ARHGAP26: variants seen among roughly 807,000 people sequenced by gnomAD.
ARHGAP26 encodes the protein rho GTPase-activating protein 26.
Under a neutral mutation model 104.8 loss-of-function variants are expected in ARHGAP26, and 38 were observed. The ratio of observed to expected loss-of-function variants is 0.36; its 90% confidence interval spans 0.28 to 0.48. The LOEUF (loss-of-function observed/expected upper bound fraction) is 0.48, where lower values mean the gene tolerates loss of function less well. Among genes scored for constraint, ARHGAP26 ranks in the 20% least tolerant of loss-of-function variants. The probability of loss-of-function intolerance (pLI) is 0.99; values close to 1 mark genes in which losing one functional copy is unlikely to be tolerated. For synonymous variants in ARHGAP26, 341 were observed against 340.0 expected (o/e 1.00, Z -0.03); for missense variants, 704 against 947.9 (o/e 0.74, Z 3.38).
In ARHGAP26 at chr5:142,770,673, G is replaced by T; in HGVS notation, c.-89G>T. ...GGAGCCGGCGGCCGTCGGGGGAGCC[G>T]GCCGGGGTCCCGCCGCGTGAGTGCT... is the stretch of plus-strand genomic sequence containing the variant. On this transcript the variant is annotated 5_prime_UTR_variant, in exon 1 of 23. Coordinates refer to ENST00000645722, the MANE Select transcript of ARHGAP26 (RefSeq NM_001135608.3). 1 of 980,096 alleles carries T rather than the reference G, an allele frequency of 1.0e-6. No individual in the cohort carries two copies. Among genetic ancestry groups the T allele is most frequent in the Non-Finnish European group, 1.2e-6 (1 of 807,676 alleles). 60.7% of individuals were successfully genotyped at this position (980,096 alleles called of 1,614,324 possible).
chr5:143,217,613 C>A (rs1810532341), intron 22 of ARHGAP26, among the ~76,000 whole-genome samples: 1 of 152,192 alleles, frequency 6.6e-6, no homozygotes, highest in Non-Finnish European at 1.5e-5. Context: ...AGGCCTGTCC[C>A]AAATTTCCTT....
At chr5:142,880,361 A>T (rs1321123044) in intron 4 of ARHGAP26, among the ~76,000 whole-genome samples, 1 of 152,138 alleles carries the variant, frequency 6.6e-6, no homozygotes. Context: ...CTACTAAAAT[A>T]GAAAAATTAG....
At chr5:142,910,093 T>C (rs796703906) in intron 9 of ARHGAP26, among the ~76,000 whole-genome samples, 16 of 152,346 alleles carry the variant, frequency 1.1e-4, no homozygotes, top group African/African-American at 3.4e-4. Context: ...GACCTTGATA[T>C]TATAAGAGTT....
At chr5:142,917,103 G>C (rs549017006) in intron 10 of ARHGAP26, among the ~76,000 whole-genome samples, 1 of 149,886 alleles carries the variant, frequency 6.7e-6, no homozygotes, top group Non-Finnish European at 1.5e-5. Flanking sequence ...GCAGTGGCAC[G>C]ATCTCAGCTC....
At chr5:143,060,658 G>A (rs1269186483) in intron 17 of ARHGAP26, among the ~76,000 whole-genome samples, 2 of 151,852 alleles carry the variant, frequency 1.3e-5, no homozygotes, top group African/African-American at 2.4e-5. Context: ...CTAGTATACA[G>A]TCTGGAGTCA....
At chr5:143,031,210 C>T (rs1781788327) in intron 12 of ARHGAP26, among the ~76,000 whole-genome samples, 1 of 152,220 alleles carries the variant, frequency 6.6e-6, no homozygotes, top group South Asian at 2.1e-4. Context: ...CCAGGCAGGG[C>T]CCCGTCACAC....
At chr5:143,088,248 C>T (rs1325503341) in intron 17 of ARHGAP26, among the ~76,000 whole-genome samples, 2 of 152,216 alleles carry the variant, frequency 1.3e-5, no homozygotes, top group Non-Finnish European at 2.9e-5. Context: ...TCATCATTTA[C>T]ACTAAACTGT....
chr5:143,175,833 G>A (rs1350949997), intron 20 of ARHGAP26, among the ~76,000 whole-genome samples: 1 of 152,134 alleles, frequency 6.6e-6, no homozygotes, highest in African/African-American at 2.4e-5. Flanking sequence ...GGCACAATAG[G>A]CCAGGCACAG....
At chr5:142,824,878 T>A (rs543430480) in intron 1 of ARHGAP26, among the ~76,000 whole-genome samples, 1 of 152,348 alleles carries the variant, frequency 6.6e-6, no homozygotes, top group East Asian at 1.9e-4. Context: ...GGGGAGAATC[T>A]GGCAAATGTT....
At chr5:142,951,182 C>T (rs942132312) in intron 11 of ARHGAP26, among the ~76,000 whole-genome samples, 1 of 152,174 alleles carries the variant, frequency 6.6e-6, no homozygotes, top group Non-Finnish European at 1.5e-5. Context: ...GCTTCAGCCT[C>T]CTGAGCAGCT....
At chr5:143,001,530 T>C (rs1013403046) in intron 11 of ARHGAP26, among the ~76,000 whole-genome samples, 1 of 152,230 alleles carries the variant, frequency 6.6e-6, no homozygotes, top group Admixed American at 6.5e-5. Context: ...GGTATATGCA[T>C]GTTTACTGTC....
intron 20 of ARHGAP26, among the ~76,000 whole-genome samples, chr5:143,154,842 A>C (rs1800281257): frequency 6.6e-6 from 1 of 152,186 alleles, no homozygotes; most frequent in Non-Finnish European, 1.5e-5. Flanking sequence ...GACAAGTGAT[A>C]ATTCATAGCA....
chr5:143,168,369 A>G (rs1024966264), intron 20 of ARHGAP26, among the ~76,000 whole-genome samples: 4 of 145,498 alleles, frequency 2.7e-5, no homozygotes, highest in African/African-American at 1.0e-4. Flanking sequence ...ATTTCATGTA[A>G]TTGACTTGCC....
At chr5:142,923,317 C>G (rs1351653700) in intron 10 of ARHGAP26, among the ~76,000 whole-genome samples, 1 of 151,254 alleles carries the variant, frequency 6.6e-6, no homozygotes, top group African/African-American at 2.4e-5. Flanking sequence ...AAATCAAAAC[C>G]AAAAATGAGC....
chr5:142,949,252 A>AGAGT (rs1767913445), intron 11 of ARHGAP26, among the ~76,000 whole-genome samples: 3 of 138,264 alleles, frequency 2.2e-5, no homozygotes, highest in Admixed American at 7.4e-5. Context: ...AGAGAGAGAG[A>AGAGT]GAGAGTTGAG....
chr5:143,036,446 C>A (rs576095773), intron 12 of ARHGAP26, among the ~76,000 whole-genome samples: 1 of 152,134 alleles, frequency 6.6e-6, no homozygotes, highest in African/African-American at 2.4e-5. Flanking sequence ...TGCTCATTTC[C>A]CCCTAGAGGA....
intron 10 of ARHGAP26, 55 bp from the exon 11 acceptor site, chr5:142,931,992 C>A: frequency 6.5e-7 from 1 of 1,527,176 alleles, no homozygotes; most frequent in Non-Finnish European, 9.1e-7. Context: ...TTGCCTTCAC[C>A]AATCTCTCTA....
In ARHGAP26 at chr5:142,913,296, G is replaced by C; in HGVS notation, c.1028+3G>C. ...TTTGATGTGGAAGCAGTAGACAGGT[G>C]AGTAGCTAGCATGCTTTTCTCAGGA... On this transcript the variant is annotated splice_donor_region_variant and intron_variant, in intron 10 of 22. Coordinates refer to ENST00000645722, the MANE Select transcript of ARHGAP26 (RefSeq NM_001135608.3). 1 of 1,613,500 alleles carries C rather than the reference G, an allele frequency of 6.2e-7. No individual in the cohort carries two copies.
chr5:142,959,303 C>T lies in ARHGAP26; in HGVS notation c.1107+27178C>T, dbSNP rs891391614. ...ATTAGTTTTCTGTCAGTGTAACCAG[C>T]CACCACAAAATGATTAGCTTAAAAC... On this transcript the variant is annotated intron_variant, in intron 11 of 22. Transcript: ENST00000645722. 3.9e-5 allele frequency among the ~76,000 whole-genome samples: 6 copies of T among 152,364 alleles called. No individual in the cohort carries two copies. In the South Asian group the frequency reaches 1.2e-3, roughly 32 times the overall value.
Sources: gnomAD v4.1 joint callset for allele counts (sites outside exome capture counted in the v4.1 genomes callset) on GRCh38, gnomAD v4.1.1 for gene constraint, MANE v1.5 for transcripts, NCBI Gene and HGNC (gene_info 2026-07-23, HGNC 2026-07-21) for gene names.